Variants in SH2D3C observed in about 807,000 individuals in gnomAD.
SH2D3C encodes SH2 domain containing 3C.
A neutral mutation model predicts 75.2 loss-of-function variants in SH2D3C; 25 were observed. The ratio of observed to expected loss-of-function variants is 0.33; its 90% CI spans 0.24 to 0.46. The LOEUF is 0.46. Ranked by LOEUF, SH2D3C falls within the 20% of genes least tolerant of loss-of-function variation. The probability of loss-of-function intolerance (pLI) is 1.00; values close to 1 mark genes in which losing one functional copy is unlikely to be tolerated. For missense variants in SH2D3C, 933 were observed against 1,165.3 expected, an observed-to-expected ratio of 0.80 and a Z score of 2.90; for synonymous variants, 450 against 473.7, an observed-to-expected ratio of 0.95 and a Z score of 0.65.
At position 127,771,357 on chromosome 9, in the gene SH2D3C, G is replaced by GC. The variant is rs553726176; in HGVS notation, c.515+2632dup. Reference sequence around the variant, plus strand: ...GGGCGGAGACTGACCTGTAGACCACGCCCCCAGACACGCCCCTGCGCTCCT... The same window carrying GC: ...GGGCGGAGACTGACCTGTAGACCACGCCCCCCAGACACGCCCCTGCGCTCCT... On this transcript the variant is annotated intron_variant, in intron 2 of 11. Transcript: ENST00000314830. The GC allele has an allele frequency of 7.3e-4, 985 of 1,354,508 alleles. 17 individuals are homozygous for GC. The Admixed American group carries it at 0.03, about 42-fold the overall frequency. The allele number at this position is 1,354,508 out of a possible 1,614,324, so 83.9% of individuals were successfully genotyped here.
At chr9:127,762,937 G>A (rs552011833) in intron 2 of SH2D3C, among the ~76,000 whole-genome samples, 1 of 152,312 alleles carries the variant, frequency 6.6e-6, no homozygotes, top group Non-Finnish European at 1.5e-5. Context: ...GGCATAAATT[G>A]GCTCATCTGT....
rs572311416 is a variant in SH2D3C, at chr9:127,776,150, A to T, written c.38-1683T>A. Among the ~76,000 whole-genome samples, 14 of 152,262 alleles carry T rather than the reference A, an allele frequency of 9.2e-5. No homozygotes were observed. In the East Asian group the frequency reaches 2.3e-3, roughly 25 times the overall value. On this transcript the variant is annotated intron_variant, in intron 1 of 11. Coordinates refer to ENST00000314830, the MANE Select transcript of SH2D3C (RefSeq NM_170600.3). ...GGCCACTAATAATAATAATTTAAAAATTTCTGAAAATGATTCTGCATCTGC... is the reference window on the plus strand; with the variant it reads ...GGCCACTAATAATAATAATTTAAAATTTTCTGAAAATGATTCTGCATCTGC...
At chr9:127,761,709 T>C (rs1469358104) in intron 2 of SH2D3C, 59 bp from the exon 3 acceptor site, 1 of 1,474,188 alleles carries the variant, frequency 6.8e-7, no homozygotes, top group African/African-American at 1.4e-5. Context: ...CAGCTGCCGG[T>C]CTCTTGCCTG....
At position 127,774,074 on chromosome 9, in the gene SH2D3C, A is replaced by G; in HGVS notation, c.431T>C (p.Val144Ala). Residue 144 changes from valine to alanine, a missense_variant, in exon 2 of 12, where the codon GTG becomes GCG. Transcript: ENST00000314830. This position sits in a 1 kb window ranked among gnomAD's most constrained non-coding sequence, Gnocchi z 4.3. The part of the protein sequence containing the change: ...TPAMEPNPSA[V>A]EVDPIRKPEV... ...AGGCTTTCTGATGGGGTCTACCTCC[A>G]CTGCTGAAGGGTTGGGTTCCATTGC... 1 of 1,614,108 alleles carries G rather than the reference A, an allele frequency of 6.2e-7. No homozygotes were observed. Among genetic ancestry groups the G allele is most frequent in the Non-Finnish European group, 8.5e-7 (1 of 1,180,024 alleles).
chr9:127,766,862 C>A, intron 2 of SH2D3C: 1 of 1,433,274 alleles, frequency 7.0e-7, no homozygotes, highest in South Asian at 1.3e-5. Context: ...GAGCCCTGTG[C>A]CCAGCTTCTT....
chr9:127,773,247 A>G (rs750335035), intron 2 of SH2D3C, among the ~76,000 whole-genome samples: 4 of 152,154 alleles, frequency 2.6e-5, no homozygotes, highest in African/African-American at 9.7e-5. Flanking sequence ...CTATAACCAA[A>G]TTAAGCTGAC....
chr9:127,774,180 CG>C lies in SH2D3C; in HGVS notation c.324del (p.Gly109GlufsTer15). 6.2e-7 allele frequency: 1 copy of C among 1,613,932 alleles called. No homozygotes were observed. The highest frequency in any genetic ancestry group is 8.5e-7 in the Non-Finnish European group (1 of 1,179,932). ...QEAGPKPNLV[P>X]GGVPDPPGLE... ...AAGCCTGGGGGGTCGGGTACACCTCCGGGTACCAAGTTGGGCTTGGGACCCG... is the reference window on the plus strand; with the variant it reads ...AAGCCTGGGGGGTCGGGTACACCTCCGGTACCAAGTTGGGCTTGGGACCCG... On this transcript the variant is annotated frameshift_variant, in exon 2 of 12. Coordinates refer to ENST00000314830, the MANE Select transcript of SH2D3C (RefSeq NM_170600.3). LOFTEE classifies it high-confidence loss of function. The surrounding 1 kb of genome is among the most constrained non-coding windows in gnomAD (Gnocchi z 4.3).
intron 2 of SH2D3C, chr9:127,767,057 T>C (rs1439095550): frequency 6.5e-7 from 1 of 1,536,226 alleles, no homozygotes; most frequent in Admixed American, 2.0e-5. Context: ...GCTTTGGCCC[T>C]GCCCCACTCC....
intron 6 of SH2D3C, among the ~76,000 whole-genome samples, chr9:127,746,169 T>C (rs1809316752): frequency 6.6e-6 from 1 of 152,192 alleles, no homozygotes; most frequent in Admixed American, 6.5e-5. Flanking sequence ...GGTTTTATAC[T>C]CAGGGTATTG....
At position 127,752,687 on chromosome 9, in the gene SH2D3C, C is replaced by T. The variant is rs1845235858; in HGVS notation, c.556-1387G>A. ...CATTGCTCCCAAGACACCATGATTC[C>T]CAGTGTCAGAGATATCTAGAATCTC... On this transcript the variant is annotated intron_variant, in intron 3 of 11. Transcript: ENST00000314830. Among the ~76,000 whole-genome samples the T allele has an allele frequency of 2.0e-5, 3 of 152,256 alleles. No homozygotes were observed. In the South Asian group the frequency reaches 6.2e-4, roughly 32 times the overall value.
chr9:127,753,285 C>T (rs1845254237), intron 3 of SH2D3C, among the ~76,000 whole-genome samples: 1 of 150,704 alleles, frequency 6.6e-6, no homozygotes, highest in East Asian at 1.9e-4. Context: ...TTTAGATGGC[C>T]ATTGATTCAT....
rs928298927 is a variant in SH2D3C at position 127,751,511 on chromosome 9, T to C, written c.556-211A>G. Among the ~76,000 whole-genome samples the C allele has an allele frequency of 1.3e-5, 2 of 152,208 alleles. No homozygotes were observed. The highest frequency in any genetic ancestry group is 2.9e-5 in the Non-Finnish European group (2 of 68,030). ...AATGCCAGCTGCATTCCAGGCCCTG[T>C]GCTATATGCCAGGGGTGGATGCAGT... On this transcript the variant is annotated intron_variant, in intron 3 of 11. Coordinates refer to ENST00000314830, the MANE Select transcript of SH2D3C (RefSeq NM_170600.3). The surrounding 1 kb of genome is among the most constrained non-coding windows in gnomAD (Gnocchi z 4.1).
intron 2 of SH2D3C, among the ~76,000 whole-genome samples, chr9:127,772,043 G>A (rs1845747153): frequency 6.6e-6 from 1 of 152,094 alleles, no homozygotes; most frequent in Admixed American, 6.6e-5. Context: ...GCCAGTAAGA[G>A]GCAGAATCTG....
intron 3 of SH2D3C, among the ~76,000 whole-genome samples, chr9:127,753,187 T>C (rs547344673): frequency 6.6e-6 from 1 of 151,924 alleles, no homozygotes; most frequent in African/African-American, 2.4e-5. Context: ...TTGGGGCAGG[T>C]TTAGTCCACT....
chr9:127,774,287 A>G lies in SH2D3C; in HGVS notation c.218T>C (p.Met73Thr), dbSNP rs1213482725. 1.2e-6 allele frequency: 2 copies of G among 1,614,054 alleles called. No individual in the cohort carries two copies. Among genetic ancestry groups the G allele is most frequent in the Admixed American group, 1.7e-5 (1 of 60,018 alleles). ...SPPAYARSSD[M>T]YSHMGTMPRP... ...AGGCATGGTGCCCATGTGGCTGTAC[A>G]TGTCACTGGAGCGGGCATAGGCTGG... Residue 73 changes from methionine to threonine, a missense_variant, in exon 2 of 12, where the codon ATG (methionine) becomes ACG (threonine). Transcript: ENST00000314830. This position sits in a 1 kb window ranked among gnomAD's most constrained non-coding sequence, Gnocchi z 4.3.
In SH2D3C at chr9:127,754,280, G is replaced by A. The variant is rs1359057721; in HGVS notation, c.556-2980C>T. 6.6e-6 allele frequency among the ~76,000 whole-genome samples: 1 copy of A among 152,156 alleles called. No homozygotes were observed. The highest frequency in any genetic ancestry group is 1.5e-5 in the Non-Finnish European group (1 of 67,988). On this transcript the variant is annotated intron_variant, in intron 3 of 11. Coordinates refer to ENST00000314830, the MANE Select transcript of SH2D3C (RefSeq NM_170600.3). This position sits in a 1 kb window ranked among gnomAD's most constrained non-coding sequence, Gnocchi z 4.4. Reference sequence around the variant, plus strand: ...TCAGGCGGGCTCCGCGAGCGTGTGTGAGCCTGGGGGAGCGAAGAGCCGACG... The same window carrying A: ...TCAGGCGGGCTCCGCGAGCGTGTGTAAGCCTGGGGGAGCGAAGAGCCGACG...
At chr9:127,748,941 G>A (rs553317853) in intron 5 of SH2D3C, among the ~76,000 whole-genome samples, 14 of 152,154 alleles carry the variant, frequency 9.2e-5, no homozygotes, top group Non-Finnish European at 2.9e-5. Context: ...TTTATAGGTA[G>A]GAACATGGGG....
chr9:127,772,980 C>CG (rs1845760207), intron 2 of SH2D3C, among the ~76,000 whole-genome samples: 1 of 152,002 alleles, frequency 6.6e-6, no homozygotes, highest in Non-Finnish European at 1.5e-5. Flanking sequence ...ACTACAGGCA[C>CG]GCACCACCAC....
At position 127,747,191 on chromosome 9, in the gene SH2D3C, A is replaced by C. The variant is rs1845055162; in HGVS notation, c.1220T>G (p.Met407Arg). The C allele has an allele frequency of 6.2e-7, 1 of 1,613,946 alleles. No homozygotes were observed. Among genetic ancestry groups the C allele is most frequent in the Non-Finnish European group, 8.5e-7 (1 of 1,180,014 alleles). Residue 407 changes from methionine (M) to arginine (R), a missense_variant, in exon 6 of 12, where the codon ATG becomes AGG. Physicochemically the swap from Met to Arg is moderately conservative, Grantham distance 91. Coordinates refer to ENST00000314830, the MANE Select transcript of SH2D3C (RefSeq NM_170600.3). ...MDQIPDLHSP[M>R]SPISESPSSP... ...GCTAGGGCTCTCGGAGATGGGCGAC[A>C]TGGGTGAGTGCAGGTCTGGGATCTG...
Sources: gnomAD v4.1 joint callset for allele counts (sites outside exome capture counted in the v4.1 genomes callset) on GRCh38, gnomAD v4.1.1 for gene constraint, Gnocchi (gnomAD v3.1) non-coding constraint, MANE v1.5 for transcripts, NCBI Gene and HGNC (gene_info 2026-07-23, HGNC 2026-07-21) for gene names.